Variants in RALGDS observed in about 807,000 individuals in gnomAD.
RALGDS encodes the protein ral guanine nucleotide exchange factor.
A neutral mutation model predicts 99.8 loss-of-function variants in RALGDS; 44 were observed. That is an observed-to-expected ratio of 0.44 (90% CI 0.35 to 0.57). The LOEUF (loss-of-function observed/expected upper bound fraction) is 0.57. Ranked by LOEUF, RALGDS falls within the 20% of genes least tolerant of loss-of-function variation. The pLI is 0.01. For missense variants in RALGDS, 1,022 were observed against 1,203.1 expected (o/e 0.85, Z 2.23); for synonymous variants, 529 against 505.0 (o/e 1.05, Z -0.64).
At chr9:133,145,073 C>A (rs967958250) in intron 1 of RALGDS, among the ~76,000 whole-genome samples, 1 of 152,232 alleles carries the variant, frequency 6.6e-6, no homozygotes, top group Non-Finnish European at 1.5e-5. Context: ...AAGGAAGTAT[C>A]CTCTCCTAGA....
intron 12 of RALGDS, 21 bp from the exon 13 acceptor site, chr9:133,102,921 A>AG: frequency 6.2e-7 from 1 of 1,612,212 alleles, no homozygotes; most frequent in South Asian, 1.1e-5. Context: ...AGGGAAGCAC[A>AG]GGGCGGTGAC....
At chr9:133,111,214 C>T (rs1291024173) in intron 2 of RALGDS, among the ~76,000 whole-genome samples, 1 of 151,908 alleles carries the variant, frequency 6.6e-6, no homozygotes, top group East Asian at 1.9e-4. Flanking sequence ...TATCCCCATT[C>T]TAGAGATGAG....
chr9:133,123,929 G>C (rs200571027), upstream of RALGDS, among the ~76,000 whole-genome samples: 4 of 136,034 alleles, frequency 2.9e-5, no homozygotes, highest in Middle Eastern at 3.9e-3. Context: ...CACACACAGA[G>C]ACACAAAGAT....
At position 133,108,872 on chromosome 9, in the gene RALGDS, G is replaced by A. The variant is rs760783703; in HGVS notation, c.585-6C>T. On this transcript the variant is annotated splice_region_variant and splice_polypyrimidine_tract_variant and intron_variant, in intron 4 of 17. Coordinates refer to ENST00000372050, the MANE Select transcript of RALGDS (RefSeq NM_006266.4). Reference sequence around the variant, plus strand: ...CCAGGATGGAGGAGATGGCACTGGGGACAGGTGGGTGGCAGCAGAGTCAGA... The same window carrying A: ...CCAGGATGGAGGAGATGGCACTGGGAACAGGTGGGTGGCAGCAGAGTCAGA... The A allele has an allele frequency of 4.3e-6, 7 of 1,609,850 alleles. No homozygotes were observed. In the Admixed American group the frequency reaches 5.0e-5, roughly 12 times the overall value.
intron 1 of RALGDS, among the ~76,000 whole-genome samples, chr9:133,137,850 C>G (rs2119264283): frequency 7.3e-6 from 1 of 136,858 alleles, no homozygotes; most frequent in South Asian, 2.7e-4. Flanking sequence ...AGAAGTTGCT[C>G]TGCTGTGGGC....
chr9:133,108,053 C>T lies in RALGDS; in HGVS notation c.1132G>A (p.Glu378Lys), dbSNP rs556390384. 3 of 1,613,620 alleles carry T rather than the reference C, an allele frequency of 1.9e-6. No individual in the cohort carries two copies. The highest frequency in any genetic ancestry group is 2.5e-6 in the Non-Finnish European group (3 of 1,180,044). ...GGGAACACCAAGAGGTGAGGCTTCT[C>T]CTCACTCAGCCCGTTCTCTGCAACC... ...PVVAENGLSE[E>K]KPHLLVFPPD... Residue 378 changes from glutamate to lysine, a missense_variant, in exon 6 of 18, where the codon GAG (glutamate) becomes AAG (lysine). By Grantham distance (56) the Glu-to-Lys change is moderately conservative. This residue lies in a region of RALGDS where 825 missense variants were observed against 994.5 expected (regional missense o/e 0.83). Coordinates refer to ENST00000372050, the MANE Select transcript of RALGDS (RefSeq NM_006266.4).
rs1179933426 is a variant in RALGDS at position 133,108,425 on chromosome 9, TCAA to T, written c.779-22_779-20del. 1.5e-5 allele frequency: 23 copies of T among 1,532,488 alleles called. No individual in the cohort carries two copies. The highest frequency in any genetic ancestry group is 1.7e-5 in the Non-Finnish European group (20 of 1,143,906). The allele number at this position is 1,532,488 out of a possible 1,614,324, so 94.9% of individuals were successfully genotyped here. On this transcript the variant is annotated intron_variant, in intron 5 of 17. Transcript: ENST00000372050. ...GACAGAGCTGCAAGAGGAGAAAAGT[TCAA>T]CAACATGCCAGCCTTTCCTGTGCCT...
chr9:133,102,275 G>A lies in RALGDS; in HGVS notation c.2010-136C>T, dbSNP rs1830792808. ...TACTCCATTCACCACAGCCATCTGG[G>A]AGAGCATTTAGTATCACCCCATTTC... On this transcript the variant is annotated intron_variant, in intron 14 of 17. Coordinates refer to ENST00000372050, the MANE Select transcript of RALGDS (RefSeq NM_006266.4). 21 of 1,137,504 alleles carry A rather than the reference G, an allele frequency of 1.8e-5. No individual in the cohort carries two copies. The South Asian group carries it at 2.9e-4, about 16-fold the overall frequency. The allele number at this position is 1,137,504 out of a possible 1,614,324, so 70.5% of individuals were successfully genotyped here.
intron 1 of RALGDS, among the ~76,000 whole-genome samples, chr9:133,137,666 C>T (rs1318847394): frequency 6.6e-6 from 1 of 152,236 alleles, no homozygotes; most frequent in Non-Finnish European, 1.5e-5. Flanking sequence ...GAAGCAAGAG[C>T]CCTTTTTCTT....
upstream of RALGDS, among the ~76,000 whole-genome samples, chr9:133,122,451 G>C (rs561218825): frequency 2.7e-4 from 41 of 152,206 alleles, no homozygotes; most frequent in Non-Finnish European, 5.6e-4. Flanking sequence ...GGCGGGACCA[G>C]ACAGCACATT....
intron 16 of RALGDS, 96 bp downstream of exon 16, chr9:133,101,424 C>T (rs1830750083): frequency 6.3e-7 from 1 of 1,595,646 alleles, no homozygotes; most frequent in African/African-American, 1.3e-5. Context: ...CCGCCAACTA[C>T]AAGGTAGACC....
chr9:133,121,035 G>C lies in RALGDS; in HGVS notation c.120C>G (p.Pro40=). The C allele has an allele frequency of 1.3e-6, 2 of 1,495,368 alleles. No individual in the cohort carries two copies. The highest frequency in any genetic ancestry group is 1.8e-6 in the Non-Finnish European group (2 of 1,128,770). 92.6% of individuals were successfully genotyped at this position (1,495,368 alleles called of 1,614,324 possible). A position where few individuals can be genotyped will look rare whatever the true frequency, so the allele number is the denominator to read the frequency against. ...WDAVRLEVGV[P]DSCPVVLHSF... ...TGTGCAGCACCACCGGGCAGCTGTC[G>C]GGGACGCCCACCTCCAGGCGCACGG... Residue 40 remains proline, a synonymous_variant, in exon 1 of 18, where the codon CCC becomes CCG. Coordinates refer to ENST00000372050, the MANE Select transcript of RALGDS (RefSeq NM_006266.4).
chr9:133,102,556 G>C lies in RALGDS; in HGVS notation c.1929C>G (p.Cys643Trp), dbSNP rs773111606. ...LSETESYNLS[C>W]ELEPPSESAS... ...CTGACTCGGATGGGGGCTCCAGCTC[G>C]CACGACAGGTTGTAGCTATGAGCAG... The change falls in exon 14 of 18, where the codon TGC becomes TGG. Residue 643 changes from cysteine (C) to tryptophan (W), a missense_variant. Physicochemically the swap from Cys to Trp is radical, Grantham distance 215. Around this residue, in one of 3 missense-constraint regions of RALGDS, gnomAD observed 825 missense variants for 994.5 expected, o/e 0.83. Transcript: ENST00000372050. 6.2e-7 allele frequency: 1 copy of C among 1,613,912 alleles called. No homozygotes were observed. The highest frequency in any genetic ancestry group is 8.5e-7 in the Non-Finnish European group (1 of 1,180,024).
At chr9:133,130,489 T>C (rs531330763) in intron 1 of RALGDS, among the ~76,000 whole-genome samples, 1 of 151,936 alleles carries the variant, frequency 6.6e-6, no homozygotes, top group South Asian at 2.1e-4. Context: ...TGGTAAAAAA[T>C]AATAATATTA....
chr9:133,117,128 G>A (rs1422545669), intron 1 of RALGDS, among the ~76,000 whole-genome samples: 1 of 152,166 alleles, frequency 6.6e-6, no homozygotes, highest in Non-Finnish European at 1.5e-5. Context: ...GAAGGGTCAG[G>A]CCGCTCCCCT....
intron 4 of RALGDS, 81 bp downstream of exon 4, chr9:133,109,545 C>T (rs1191566116): frequency 2.6e-5 from 34 of 1,320,256 alleles, no homozygotes; most frequent in South Asian, 1.5e-4. Context: ...CAGCCAGCCC[C>T]GGCTCCGGCC....
intron 1 of RALGDS, among the ~76,000 whole-genome samples, chr9:133,113,127 G>A (rs1267282142): frequency 2.0e-5 from 3 of 152,206 alleles, no homozygotes; most frequent in Non-Finnish European, 2.9e-5. Flanking sequence ...TGAGCTTGCA[G>A]CGGGTAGAGG....
intron 1 of RALGDS, among the ~76,000 whole-genome samples, chr9:133,116,701 A>G (rs1831625319): frequency 6.6e-6 from 1 of 152,234 alleles, no homozygotes; most frequent in Admixed American, 6.5e-5. Context: ...CCTGGGTGCA[A>G]GGCCCTTTGG....
Position 133,108,339 on chromosome 9 carries a change from T to G in RALGDS, c.846A>C (p.Ala282=). ...GGGCTGGAGCCGGCACTGGGCTGGG[T>G]GCTCGAGCTGGTGTTAGAGCTAGCT... The part of the protein sequence containing the change: ...ELELALTPAR[A]PSPVPAPAPE... The change falls in exon 6 of 18, where the codon GCA becomes GCC. Residue 282 remains alanine, a synonymous_variant. Transcript: ENST00000372050. 6.5e-7 allele frequency: 1 copy of G among 1,541,872 alleles called. No individual in the cohort carries two copies. Among genetic ancestry groups the G allele is most frequent in the Non-Finnish European group, 8.7e-7 (1 of 1,147,032 alleles).
Sources: allele counts gnomAD v4.1 joint callset (sites outside exome capture counted in the v4.1 genomes callset), GRCh38; gene constraint gnomAD v4.1.1; regional missense constraint gnomAD v4.1.1; transcripts MANE v1.5; gene names NCBI Gene and HGNC (gene_info 2026-07-23, HGNC 2026-07-21).